Variants in FMN1 observed in about 807,000 individuals in gnomAD.
FMN1 encodes formin 1.
A neutral mutation model predicts 132.4 loss-of-function variants in FMN1; 110 were observed. That is an observed-to-expected ratio of 0.83 (90% CI 0.71 to 0.97). The LOEUF is 0.97. FMN1 is among the 50% of genes least tolerant of loss of function. FMN1 has a pLI of 0.00. For synonymous variants in FMN1, 722 were observed against 651.7 expected, an observed-to-expected ratio of 1.11 and a Z score of -1.64; for missense variants, 1,792 against 1,705.3, an observed-to-expected ratio of 1.05 and a Z score of -0.90.
intron 10 of FMN1, among the ~76,000 whole-genome samples, chr15:32,913,612 T>G (rs2060615440): frequency 6.6e-6 from 1 of 152,156 alleles, no homozygotes; most frequent in South Asian, 2.1e-4. Context: ...CCTTTGACCC[T>G]CACATCATTA....
chr15:32,913,383 C>T (rs62000587), intron 10 of FMN1, among the ~76,000 whole-genome samples: 1 of 152,126 alleles, frequency 6.6e-6, no homozygotes, highest in Admixed American at 6.5e-5. Flanking sequence ...CCTCCAATAT[C>T]TTCCTTTAAA....
At chr15:33,136,708 TA>T (rs1963782243) in intron 4 of FMN1, among the ~76,000 whole-genome samples, 1 of 152,202 alleles carries the variant, frequency 6.6e-6, no homozygotes, top group African/African-American at 2.4e-5. Flanking sequence ...GTTTTAAAGG[TA>T]TTTTTATCTG....
At position 33,154,815 on chromosome 15, in the gene FMN1, A is replaced by G. The variant is rs966123208; in HGVS notation, c.100T>C (p.Tyr34His). The change falls in exon 4 of 21, where the codon TAC becomes CAC. Residue 34 changes from tyrosine to histidine, a missense_variant. Transcript: ENST00000616417. The stretch of plus-strand genomic sequence containing the variant: ...CTGTCTAGAGTTACAGTGCCCTTGT[A>G]TGAAAATCCTCTGACTTCCCCCTTT... ...LPKGEVRGFSYKGTVTLDRSN... is the reference protein window; with the variant it reads ...LPKGEVRGFSHKGTVTLDRSN... 5.2e-6 allele frequency: 8 copies of G among 1,536,156 alleles called. No homozygotes were observed. In the African/African-American group the frequency reaches 8.2e-5, roughly 16 times the overall value.
chr15:33,108,413 G>A (rs961948318), intron 4 of FMN1, among the ~76,000 whole-genome samples: 2 of 151,766 alleles, frequency 1.3e-5, no homozygotes, highest in South Asian at 2.1e-4. Flanking sequence ...TGGCACATAA[G>A]AAGAGAAAAT....
At chr15:32,880,332 G>T (rs958368855) in intron 16 of FMN1, among the ~76,000 whole-genome samples, 2 of 151,984 alleles carry the variant, frequency 1.3e-5, no homozygotes, top group African/African-American at 4.8e-5. Flanking sequence ...TGAGCTTAAC[G>T]TTAAATGAAC....
intron 18 of FMN1, among the ~76,000 whole-genome samples, chr15:32,799,981 T>G (rs77339637): frequency 0.031 from 4,669 of 152,266 alleles, 95 homozygotes; most frequent in Middle Eastern, 0.048. Context: ...GGTTTTTTTT[T>G]TGTGTGTGGC....
At chr15:32,927,010 C>T (rs927659008) in intron 9 of FMN1, among the ~76,000 whole-genome samples, 2 of 152,108 alleles carry the variant, frequency 1.3e-5, no homozygotes, top group Non-Finnish European at 2.9e-5. Context: ...CCAGGCTGAT[C>T]TGATCCCAAA....
chr15:33,126,946 CAAAG>C (rs1444032878), intron 4 of FMN1, among the ~76,000 whole-genome samples: 1 of 152,194 alleles, frequency 6.6e-6, no homozygotes, highest in African/African-American at 2.4e-5. Context: ...TGACTCCTGA[CAAAG>C]AACTGTGGTT....
At chr15:32,966,299 C>T (rs990838019) in intron 8 of FMN1, among the ~76,000 whole-genome samples, 1 of 152,108 alleles carries the variant, frequency 6.6e-6, no homozygotes, top group African/African-American at 2.4e-5. Context: ...CCATTTACAA[C>T]ACTATTTCTA....
chr15:33,152,967 C>A, intron 4 of FMN1, 81 bp downstream of exon 4: 1 of 1,365,068 alleles, frequency 7.3e-7, no homozygotes, highest in South Asian at 1.5e-5. Flanking sequence ...GTTAATCAGT[C>A]AGTTTCTAAG....
chr15:33,067,236 G>C, intron 5 of FMN1: 1 of 1,613,390 alleles, frequency 6.2e-7, no homozygotes, highest in Non-Finnish European at 8.5e-7. Flanking sequence ...CCAGCTTCCA[G>C]TTTGCTGCTC....
In FMN1 at chr15:32,769,674, C is replaced by T. The variant is rs1373424490; in HGVS notation, c.*4636G>A. The T allele has an allele frequency of 2.0e-5, 3 of 151,992 alleles. No homozygotes were observed. The highest frequency in any genetic ancestry group is 2.0e-4 in the Admixed American group (3 of 15,266). The allele number at this position is 151,992 out of a possible 1,614,324, so 9.4% of individuals were successfully genotyped here. On this transcript the variant is annotated 3_prime_UTR_variant, in exon 21 of 21. Coordinates refer to ENST00000616417, the MANE Select transcript of FMN1 (RefSeq NM_001277313.2). ...AATGGAAATATATCCAAGTTATTTG[C>T]ATTTTGGAAAGGCTAAAAATTATCC...
At chr15:32,837,292 G>C (rs1219836333) in intron 17 of FMN1, 11 of 201,848 alleles carry the variant, frequency 5.4e-5, no homozygotes, top group Non-Finnish European at 1.1e-5. Context: ...TTGTTCAAAG[G>C]TGTGGTGTGG....
chr15:32,902,752 T>A (rs1467120710), intron 12 of FMN1, among the ~76,000 whole-genome samples: 1 of 152,106 alleles, frequency 6.6e-6, no homozygotes, highest in Non-Finnish European at 1.5e-5. Flanking sequence ...ACTGTCTGAG[T>A]GGTTGGGCAC....
At chr15:33,177,154 G>T (rs377501908) in intron 3 of FMN1, among the ~76,000 whole-genome samples, 1 of 152,182 alleles carries the variant, frequency 6.6e-6, no homozygotes, top group South Asian at 2.1e-4. Context: ...CTTGTCCAGG[G>T]TCACACAGCT....
intron 6 of FMN1, among the ~76,000 whole-genome samples, chr15:33,027,602 G>A (rs573755961): frequency 2.0e-5 from 3 of 152,190 alleles, no homozygotes; most frequent in East Asian, 1.9e-4. Flanking sequence ...CTGGGGTTTT[G>A]TTGTTGCTTT....
chr15:32,968,582 T>C, intron 8 of FMN1, 132 bp downstream of exon 8: 1 of 1,347,970 alleles, frequency 7.4e-7, no homozygotes. Flanking sequence ...ACATTGTTTA[T>C]CCAAGCATTC....
At chr15:32,879,363 G>A (rs1192235029) in intron 16 of FMN1, among the ~76,000 whole-genome samples, 1 of 152,182 alleles carries the variant, frequency 6.6e-6, no homozygotes, top group Non-Finnish European at 1.5e-5. Context: ...AACTACTGCT[G>A]TGGACAAATG....
intron 17 of FMN1, among the ~76,000 whole-genome samples, chr15:32,852,912 ATT>A (rs2059042313): frequency 1.3e-5 from 2 of 151,998 alleles, no homozygotes; most frequent in Non-Finnish European, 2.9e-5. Flanking sequence ...TGTTCTTCTC[ATT>A]TGCCTTGTGA....
Sources: allele counts gnomAD v4.1 joint callset (sites outside exome capture counted in the v4.1 genomes callset), GRCh38; gene constraint gnomAD v4.1.1; transcripts MANE v1.5; gene names NCBI Gene and HGNC (gene_info 2026-07-23, HGNC 2026-07-21).